The following SESN1 variants were observed in gnomAD, a reference collection of about 807,000 sequenced individuals.
SESN1 encodes sestrin 1.
SESN1 carries 30 observed loss-of-function variants against 59.3 expected under a neutral mutation model. That is an observed-to-expected ratio of 0.51 (90% CI 0.38 to 0.69). The LOEUF (loss-of-function observed/expected upper bound fraction) is 0.69, where lower values mean the gene tolerates loss of function less well. Ranked by LOEUF, SESN1 falls within the 30% of genes least tolerant of loss-of-function variation. SESN1 has a pLI of 0.00. For synonymous variants in SESN1, 197 were observed against 219.9 expected (o/e 0.90, Z 0.92); for missense variants, 566 against 673.0 (o/e 0.84, Z 1.76).
At chr6:109,074,972 G>C (rs1419061522) in intron 1 of SESN1, among the ~76,000 whole-genome samples, 1 of 152,240 alleles carries the variant, frequency 6.6e-6, no homozygotes, top group African/African-American at 2.4e-5. Context: ...GAAGCTGCTA[G>C]AGCCAGGCAG....
chr6:109,007,818 C>A (rs1583269484), intron 1 of SESN1, among the ~76,000 whole-genome samples: 2 of 115,320 alleles, frequency 1.7e-5, no homozygotes, highest in Admixed American at 1.0e-4. Flanking sequence ...CTTCTATGAA[C>A]TATATTTTAG....
chr6:109,007,771 T>C (rs1779762490), intron 1 of SESN1, among the ~76,000 whole-genome samples: 1 of 147,182 alleles, frequency 6.8e-6, no homozygotes, highest in Non-Finnish European at 1.5e-5. Context: ...TCAGAAATAC[T>C]GAAAGTCCAG....
At chr6:109,047,956 G>A (rs1780479541) in intron 1 of SESN1, among the ~76,000 whole-genome samples, 1 of 146,732 alleles carries the variant, frequency 6.8e-6, no homozygotes, top group South Asian at 2.3e-4. Flanking sequence ...CACAAACACT[G>A]CGGAAGGCCA....
At chr6:109,066,619 T>C (rs1705408494) in intron 1 of SESN1, among the ~76,000 whole-genome samples, 1 of 152,176 alleles carries the variant, frequency 6.6e-6, no homozygotes, top group South Asian at 2.1e-4. Flanking sequence ...ACAATAGTCT[T>C]CTGTTTTCAA....
intron 5 of SESN1, among the ~76,000 whole-genome samples, chr6:108,998,198 T>C (rs148834639): frequency 1.9e-4 from 29 of 152,328 alleles, no homozygotes; most frequent in Middle Eastern, 3.4e-3. Context: ...CTCATGTCAC[T>C]GCAGTAGCCA....
chr6:109,053,689 C>T (rs749074502), intron 1 of SESN1, among the ~76,000 whole-genome samples: 28 of 152,304 alleles, frequency 1.8e-4, no homozygotes, highest in South Asian at 4.1e-4. Context: ...AGGCATTAGA[C>T]GCTTTCACTG....
At chr6:108,992,531 G>A (rs1196163500) in intron 7 of SESN1, among the ~76,000 whole-genome samples, 2 of 152,170 alleles carry the variant, frequency 1.3e-5, no homozygotes, top group African/African-American at 4.8e-5. Flanking sequence ...AACGCTGGGA[G>A]TATCAACTCA....
chr6:109,015,245 A>C (rs1057077540), intron 1 of SESN1, among the ~76,000 whole-genome samples: 2 of 152,174 alleles, frequency 1.3e-5, no homozygotes, highest in Non-Finnish European at 2.9e-5. Context: ...TCTGTCTTTC[A>C]GAATCTCTCC....
At chr6:109,060,495 C>T (rs931869615) in intron 1 of SESN1, among the ~76,000 whole-genome samples, 12 of 152,020 alleles carry the variant, frequency 7.9e-5, no homozygotes, top group African/African-American at 2.7e-4. Flanking sequence ...CAGTACTGTG[C>T]AGTTTTATGA....
intron 1 of SESN1, among the ~76,000 whole-genome samples, chr6:109,066,675 C>T (rs193004030): frequency 5.4e-4 from 82 of 152,178 alleles, no homozygotes; most frequent in African/African-American, 1.8e-3. Flanking sequence ...GAAGATAACT[C>T]AAATGGTGGA....
intron 1 of SESN1, among the ~76,000 whole-genome samples, chr6:109,037,284 G>A (rs1017262099): frequency 6.6e-6 from 1 of 152,048 alleles, no homozygotes; most frequent in African/African-American, 2.4e-5. Flanking sequence ...TAAAAATTTT[G>A]TTTTTTCTCT....
intron 1 of SESN1, among the ~76,000 whole-genome samples, chr6:109,041,593 CAG>C (rs1180126525): frequency 6.6e-6 from 1 of 151,580 alleles, no homozygotes; most frequent in Non-Finnish European, 1.5e-5. Flanking sequence ...AGAAAATTAC[CAG>C]AGACAAGGAG....
In SESN1 at chr6:108,990,698, G is replaced by A; in HGVS notation, c.1371C>T (p.Thr457=). The part of the protein sequence containing the change: ...NTMAMHKDVD[T]SMLRRAIWNY... ...TCCAAATTGCCCGTCTAAGCATTGA[G>A]GTATCAACATCTTTGTGCATTGCCA... The change falls in exon 8 of 10, where the codon ACC becomes ACT. Residue 457 remains threonine, a synonymous_variant. Transcript: ENST00000436639. 1 of 1,614,020 alleles carries A rather than the reference G, an allele frequency of 6.2e-7. No homozygotes were observed. The highest frequency in any genetic ancestry group is 1.1e-5 in the South Asian group (1 of 91,074).
intron 1 of SESN1, among the ~76,000 whole-genome samples, chr6:109,063,253 C>T (rs1780760975): frequency 6.6e-6 from 1 of 151,260 alleles, no homozygotes; most frequent in African/African-American, 2.4e-5. Context: ...CCAACATAGG[C>T]TCAGGTATAA....
intron 1 of SESN1, among the ~76,000 whole-genome samples, chr6:109,063,616 A>T (rs1780766508): frequency 6.6e-6 from 1 of 152,172 alleles, no homozygotes; most frequent in African/African-American, 2.4e-5. Context: ...TAATGCTGTG[A>T]TTACTGCTGT....
intron 1 of SESN1, among the ~76,000 whole-genome samples, chr6:109,037,781 G>A (rs182621069): frequency 1.1e-4 from 17 of 151,232 alleles, no homozygotes; most frequent in Non-Finnish European, 1.9e-4. Flanking sequence ...TTTCAGAAGC[G>A]CTATTATAAA....
At chr6:109,089,360 A>G (rs1451726854) in intron 1 of SESN1, among the ~76,000 whole-genome samples, 2 of 152,242 alleles carry the variant, frequency 1.3e-5, no homozygotes, top group Non-Finnish European at 2.9e-5. Context: ...TGGGTACTAT[A>G]TGACATTAAG....
intron 1 of SESN1, among the ~76,000 whole-genome samples, chr6:109,004,326 A>G (rs1266704230): frequency 1.3e-5 from 2 of 152,234 alleles, no homozygotes; most frequent in Non-Finnish European, 2.9e-5. Flanking sequence ...AAATAAATAT[A>G]TACAAAGTCA....
At chr6:109,093,770 T>C (rs765242293) in intron 1 of SESN1, 25 bp downstream of exon 1, 76 of 1,603,960 alleles carry the variant, frequency 4.7e-5, no homozygotes, top group Non-Finnish European at 6.3e-5. Context: ...AGAGACATAG[T>C]TGTATTTAAA....
Sources: allele counts gnomAD v4.1 joint callset (sites outside exome capture counted in the v4.1 genomes callset), GRCh38; gene constraint gnomAD v4.1.1; transcripts MANE v1.5; gene names NCBI Gene and HGNC (gene_info 2026-07-23, HGNC 2026-07-21).